The following BCAT1 variants were observed in gnomAD, a reference collection of about 807,000 sequenced individuals.
BCAT1 encodes branched chain amino acid transaminase 1.
Under a neutral mutation model 52.4 loss-of-function variants are expected in BCAT1, and 48 were observed. The ratio of observed to expected loss-of-function variants is 0.92; its 90% confidence interval spans 0.73 to 1.16. BCAT1 has a LOEUF of 1.16. Among genes scored for constraint, BCAT1 ranks in the 50% most tolerant of loss-of-function variants. The pLI is 0.00. For missense variants in BCAT1, 451 were observed against 457.1 expected (o/e 0.99, Z 0.12); for synonymous variants, 167 against 161.3 (o/e 1.04, Z -0.27).
At chr12:24,883,855 A>G (rs1055050144) in intron 3 of BCAT1, among the ~76,000 whole-genome samples, 3 of 152,096 alleles carry the variant, frequency 2.0e-5, no homozygotes, top group African/African-American at 7.2e-5. Context: ...TAGGGTTCAC[A>G]CTCCTATGAG....
At chr12:24,859,094 A>C (rs1941774984) in intron 5 of BCAT1, among the ~76,000 whole-genome samples, 2 of 151,672 alleles carry the variant, frequency 1.3e-5, no homozygotes, top group African/African-American at 2.4e-5. Context: ...TGAGAATCTT[A>C]TCTCATGGTA....
intron 10 of BCAT1, among the ~76,000 whole-genome samples, chr12:24,821,829 T>C (rs919527405): frequency 1.3e-5 from 2 of 152,144 alleles, no homozygotes; most frequent in Non-Finnish European, 2.9e-5. Context: ...AGAAGCAGCA[T>C]TCAAGTGAGT....
At chr12:24,832,601 C>G in intron 9 of BCAT1, 122 bp downstream of exon 9, 1 of 1,212,980 alleles carries the variant, frequency 8.2e-7, no homozygotes, top group Non-Finnish European at 1.1e-6. Flanking sequence ...AGAAAAACAA[C>G]AACAACGACA....
chr12:24,863,795 A>G (rs1282433706), intron 5 of BCAT1, among the ~76,000 whole-genome samples: 1 of 152,122 alleles, frequency 6.6e-6, no homozygotes, highest in African/African-American at 2.4e-5. Context: ...GCCAGGTGTG[A>G]TGTCACATGC....
chr12:24,903,202 C>G lies in BCAT1; in HGVS notation c.7-1317G>C, dbSNP rs1440319655. 3 of 1,083,948 alleles carry G rather than the reference C, an allele frequency of 2.8e-6. No homozygotes were observed. The African/African-American group carries it at 4.9e-5, about 18-fold the overall frequency. The allele number at this position is 1,083,948 out of a possible 1,614,324, so 67.1% of individuals were successfully genotyped here. A position where few individuals can be genotyped will look rare whatever the true frequency, so the allele number is the denominator to read the frequency against. On this transcript the variant is annotated intron_variant, in intron 1 of 10. Coordinates refer to ENST00000261192, the MANE Select transcript of BCAT1 (RefSeq NM_005504.7). ...GAGCCTCCAACCGTCTCGTCCCAGT[C>G]TGTCTGCAGTCGCTAAAACCGAAGC...
intron 1 of BCAT1, among the ~76,000 whole-genome samples, chr12:24,943,854 G>C (rs940364461): frequency 5.9e-5 from 9 of 151,532 alleles, no homozygotes; most frequent in Non-Finnish European, 1.3e-4. Flanking sequence ...CGTGGTGGCG[G>C]GCGCCTGTAG....
chr12:24,919,655 T>C (rs1408144772), intron 1 of BCAT1, among the ~76,000 whole-genome samples: 1 of 152,190 alleles, frequency 6.6e-6, no homozygotes, highest in Non-Finnish European at 1.5e-5. Flanking sequence ...TGGAGTGACA[T>C]TGGCAGATTT....
rs762548198 is a variant in BCAT1 at position 24,901,879 on chromosome 12, T to C, written c.13A>G (p.Ser5Gly). Residue 5 changes from serine to glycine, a missense_variant, in exon 2 of 11, where the codon AGT (serine) becomes GGT (glycine). Physicochemically the swap from Ser to Gly is moderately conservative, Grantham distance 56. Transcript: ENST00000261192. ...GTACACTCTGCGGAGCATCCGTTACTGCAATCCTTAAAGAAGAATTAAACC... is the reference window on the plus strand; with the variant it reads ...GTACACTCTGCGGAGCATCCGTTACCGCAATCCTTAAAGAAGAATTAAACC... MKDC[S>G]NGCSAECTGE... is the part of the protein sequence containing the mutation. 1 of 1,614,036 alleles carries C rather than the reference T, an allele frequency of 6.2e-7. No individual in the cohort carries two copies. Among genetic ancestry groups the C allele is most frequent in the Non-Finnish European group, 8.5e-7 (1 of 1,179,890 alleles).
intron 1 of BCAT1, among the ~76,000 whole-genome samples, chr12:24,924,058 C>A (rs1288390402): frequency 6.6e-6 from 1 of 152,188 alleles, no homozygotes; most frequent in Non-Finnish European, 1.5e-5. Flanking sequence ...ACATTTTCAA[C>A]CGATTATGTC....
chr12:24,825,412 A>G (rs1053417738), intron 10 of BCAT1, among the ~76,000 whole-genome samples: 2 of 151,402 alleles, frequency 1.3e-5, no homozygotes, highest in Admixed American at 6.6e-5. Context: ...TTCAACCAAC[A>G]ATATATGATG....
At chr12:24,913,453 G>A (rs185044842) in intron 1 of BCAT1, among the ~76,000 whole-genome samples, 2 of 152,224 alleles carry the variant, frequency 1.3e-5, no homozygotes, top group Admixed American at 1.3e-4. Flanking sequence ...GCACCAAGTA[G>A]ATGGTAGTTT....
intron 10 of BCAT1, among the ~76,000 whole-genome samples, chr12:24,824,698 T>C (rs1940310145): frequency 1.3e-5 from 2 of 152,192 alleles, no homozygotes; most frequent in Non-Finnish European, 2.9e-5. Context: ...GAAAATACTG[T>C]ATAATTTGTT....
chr12:24,835,589 T>C (rs1242451088), intron 8 of BCAT1, among the ~76,000 whole-genome samples: 1 of 146,204 alleles, frequency 6.8e-6, no homozygotes, highest in East Asian at 1.9e-4. Flanking sequence ...ATTTATTTAT[T>C]TATTTAATTT....
At chr12:24,937,577 G>A (rs867187033) in intron 1 of BCAT1, among the ~76,000 whole-genome samples, 2 of 152,122 alleles carry the variant, frequency 1.3e-5, no homozygotes, top group East Asian at 3.9e-4. Flanking sequence ...GTGCAGTGAC[G>A]TGATCACAGA....
At chr12:24,845,975 A>G (rs1941333040) in intron 6 of BCAT1, among the ~76,000 whole-genome samples, 1 of 152,202 alleles carries the variant, frequency 6.6e-6, no homozygotes. Flanking sequence ...GTGAAGTTTT[A>G]CCCTACCTGA....
intron 5 of BCAT1, among the ~76,000 whole-genome samples, chr12:24,871,149 G>T (rs1029315732): frequency 7.2e-6 from 1 of 139,464 alleles, no homozygotes; most frequent in Non-Finnish European, 1.6e-5. Flanking sequence ...TGCCAATTTC[G>T]CCAAGGAGAC....
At chr12:24,858,664 T>A (rs1941762931) in intron 5 of BCAT1, among the ~76,000 whole-genome samples, 1 of 152,218 alleles carries the variant, frequency 6.6e-6, no homozygotes, top group African/African-American at 2.4e-5. Flanking sequence ...AAACCACTTA[T>A]TTATCAGACT....
chr12:24,926,481 G>A (rs34705263), intron 1 of BCAT1, among the ~76,000 whole-genome samples: 24,269 of 152,234 alleles, frequency 0.16, 2,485 homozygotes, highest in Non-Finnish European at 0.23. Context: ...CATTGAGAAC[G>A]GGCCATGATG....
chr12:24,879,086 C>CT (rs1942425881), intron 4 of BCAT1, among the ~76,000 whole-genome samples: 1 of 151,954 alleles, frequency 6.6e-6, no homozygotes, highest in South Asian at 2.1e-4. Context: ...AATACTAAGA[C>CT]TTTATTTAAA....
Sources: gnomAD v4.1 joint callset for allele counts (sites outside exome capture counted in the v4.1 genomes callset) on GRCh38, gnomAD v4.1.1 for gene constraint, MANE v1.5 for transcripts, NCBI Gene and HGNC (gene_info 2026-07-23, HGNC 2026-07-21) for gene names.